STARD6: variants seen among roughly 807,000 people sequenced by gnomAD.
The protein encoded by STARD6 is stAR-related lipid transfer protein 6.
In STARD6, 21 loss-of-function variants were observed where a neutral mutation model predicts 22.3. The ratio of observed to expected loss-of-function variants is 0.94; its 90% CI spans 0.67 to 1.35. The LOEUF is 1.35. Among genes scored for constraint, STARD6 ranks in the 40% most tolerant of loss-of-function variants. The probability of loss-of-function intolerance (pLI) is 0.00; values close to 1 mark genes in which losing one functional copy is unlikely to be tolerated. For synonymous variants in STARD6, 80 were observed against 88.1 expected (o/e 0.91, Z 0.52); for missense variants, 269 against 266.9 (o/e 1.01, Z -0.05).
chr18:54,342,800 T>C (rs2088987070), intron 4 of STARD6, among the ~76,000 whole-genome samples: 1 of 34,328 alleles, frequency 2.9e-5, no homozygotes, highest in Non-Finnish European at 5.1e-5. Flanking sequence ...TGGCGTGATC[T>C]CGGCTCACTA....
intron 5 of STARD6, among the ~76,000 whole-genome samples, 182 bp from the exon 6 acceptor site, chr18:54,332,041 C>T (rs559988741): frequency 2.0e-5 from 3 of 152,076 alleles, no homozygotes; most frequent in African/African-American, 4.8e-5. Context: ...ATTAAATCTA[C>T]GAGTGTAGAA....
chr18:54,327,547 A>G (rs570040583), intron 7 of STARD6, among the ~76,000 whole-genome samples: 6 of 152,290 alleles, frequency 3.9e-5, no homozygotes, highest in African/African-American at 1.4e-4. Context: ...GTTTCAAGTT[A>G]TGGTATTTAT....
At chr18:54,346,905 C>T (rs548663542) in intron 4 of STARD6, among the ~76,000 whole-genome samples, 15 of 151,994 alleles carry the variant, frequency 9.9e-5, no homozygotes, top group East Asian at 1.9e-4. Flanking sequence ...TGGGGTGAAT[C>T]GGATAATGGG....
intron 5 of STARD6, among the ~76,000 whole-genome samples, chr18:54,332,277 G>A (rs552071210): frequency 8.4e-4 from 128 of 152,284 alleles, no homozygotes; most frequent in East Asian, 9.6e-4. Context: ...TAACATTAAA[G>A]ACCAATGTTG....
chr18:54,328,556 G>GT (rs1160266743), intron 7 of STARD6, among the ~76,000 whole-genome samples: 4 of 152,020 alleles, frequency 2.6e-5, no homozygotes, highest in Admixed American at 2.6e-4. Context: ...TAATTGTGAG[G>GT]TTTTTTAGTT....
intron 4 of STARD6, among the ~76,000 whole-genome samples, chr18:54,341,919 T>G (rs114203015): frequency 6.6e-5 from 10 of 152,002 alleles, no homozygotes; most frequent in African/African-American, 2.4e-4. Context: ...ATAATAAGGA[T>G]TACAGTAGAA....
intron 4 of STARD6, among the ~76,000 whole-genome samples, chr18:54,342,423 GTCTCCC>G (rs373944026): frequency 0.65 from 76,757 of 118,814 alleles, 24,912 homozygotes; most frequent in South Asian, 0.76. Flanking sequence ...AATGCTCTCC[GTCTCCC>G]TCTCCCTCTC....
rs752246243 is a variant in STARD6 at position 54,354,579 on chromosome 18, T to C, written c.-4-2A>G. 3 of 1,608,262 alleles carry C rather than the reference T, an allele frequency of 1.9e-6. No individual in the cohort carries two copies. The highest frequency in any genetic ancestry group is 4.5e-5 in the East Asian group (2 of 44,800). On this transcript the variant is annotated splice_acceptor_variant, in intron 2 of 7. Transcript: ENST00000307844. LOFTEE classifies it low-confidence loss of function (5UTR_SPLICE). ...GCAATTGCCTTGAAGTCCATCTATC[T>C]GCAAGTTTTAAAAACAAACAACTGG...
At chr18:54,335,883 C>T (rs1229778709) in intron 5 of STARD6, among the ~76,000 whole-genome samples, 1 of 152,162 alleles carries the variant, frequency 6.6e-6, no homozygotes, top group Non-Finnish European at 1.5e-5. Flanking sequence ...AGTCATGCTT[C>T]CTGTGAAGCC....
At chr18:54,337,376 C>T (rs546536752) in intron 4 of STARD6, 125 bp from the exon 5 acceptor site, 4 of 765,498 alleles carry the variant, frequency 5.2e-6, no homozygotes, top group South Asian at 2.6e-5. Context: ...CTTGAAGGTA[C>T]TATCAGCAAT....
rs1431489416 is a variant in STARD6 at position 54,354,533 on chromosome 18, ACTT to A, written c.38_40del (p.Glu13del). On this transcript the variant is annotated inframe_deletion, in exon 3 of 8. Coordinates refer to ENST00000307844, the MANE Select transcript of STARD6 (RefSeq NM_139171.2). The stretch of plus-strand genomic sequence containing the variant: ...TGATGTATCTCGATTATAACCTAAA[ACTT>A]CTTGGGCAGTTTGTTGGGCAATTGC... 6.2e-7 allele frequency: 1 copy of A among 1,613,054 alleles called. No homozygotes were observed. Among genetic ancestry groups the A allele is most frequent in the Non-Finnish European group, 8.5e-7 (1 of 1,179,582 alleles).
intron 1 of STARD6, 96 bp from the exon 2 acceptor site, chr18:54,356,540 C>G (rs1263906911): frequency 4.6e-5 from 7 of 152,134 alleles, no homozygotes; most frequent in Admixed American, 1.3e-4. Flanking sequence ...TGTCCTTTAT[C>G]TATACTTTGT....
At chr18:54,326,008 A>G (rs1194571023) in intron 7 of STARD6, among the ~76,000 whole-genome samples, 1 of 152,232 alleles carries the variant, frequency 6.6e-6, no homozygotes, top group Non-Finnish European at 1.5e-5. Context: ...TTTTAAGAGA[A>G]TAAATTTTCC....
At chr18:54,340,224 C>T (rs1257098297) in intron 4 of STARD6, among the ~76,000 whole-genome samples, 2 of 151,924 alleles carry the variant, frequency 1.3e-5, no homozygotes, top group Non-Finnish European at 2.9e-5. Context: ...TGATTTGTAA[C>T]ATATATAGAC....
At chr18:54,339,960 A>ATC (rs2088955239) in intron 4 of STARD6, among the ~76,000 whole-genome samples, 1 of 152,186 alleles carries the variant, frequency 6.6e-6, no homozygotes, top group Non-Finnish European at 1.5e-5. Flanking sequence ...GGGGGATGGA[A>ATC]ATAAAGCTAT....
At chr18:54,352,981 A>C (rs1053992890) in intron 4 of STARD6, among the ~76,000 whole-genome samples, 2 of 152,184 alleles carry the variant, frequency 1.3e-5, no homozygotes, top group East Asian at 1.9e-4. Flanking sequence ...CTCCCTGTTT[A>C]TTTTTGAAAG....
In STARD6 at chr18:54,328,636, A is replaced by G. The variant is rs553278001; in HGVS notation, c.479+711T>C. Reference sequence around the variant, plus strand: ...TTAATTTCATTTGGGCTTCCTTCACATACATTTTTTTTTTTGTACTGAGAC... The same window carrying G: ...TTAATTTCATTTGGGCTTCCTTCACGTACATTTTTTTTTTTGTACTGAGAC... On this transcript the variant is annotated intron_variant, in intron 7 of 7. Transcript: ENST00000307844. Among the ~76,000 whole-genome samples the G allele has an allele frequency of 5.7e-5, 8 of 141,278 alleles. No homozygotes were observed. In the South Asian group the frequency reaches 1.7e-3, roughly 29 times the overall value. The allele number at this position is 141,278 out of a possible 152,430, so 92.7% of individuals were successfully genotyped here. A position where few individuals can be genotyped will look rare whatever the true frequency, so the allele number is the denominator to read the frequency against.
chr18:54,325,456 T>A (rs937383426), intron 7 of STARD6, among the ~76,000 whole-genome samples: 1 of 152,196 alleles, frequency 6.6e-6, no homozygotes, highest in African/African-American at 2.4e-5. Flanking sequence ...ATTTTCTATT[T>A]AACAGTCCTT....
At chr18:54,350,275 T>C (rs1057297840) in intron 4 of STARD6, among the ~76,000 whole-genome samples, 1 of 152,220 alleles carries the variant, frequency 6.6e-6, no homozygotes, top group Non-Finnish European at 1.5e-5. Flanking sequence ...GCCATTTGTA[T>C]ATCTTCTTTT....
Sources: gnomAD v4.1 joint callset for allele counts (sites outside exome capture counted in the v4.1 genomes callset) on GRCh38, gnomAD v4.1.1 for gene constraint, MANE v1.5 for transcripts, NCBI Gene and HGNC (gene_info 2026-07-23, HGNC 2026-07-21) for gene names.